Variants in ZFYVE28 observed in about 807,000 individuals in gnomAD.
The protein encoded by ZFYVE28 is zinc finger FYVE-type containing 28.
In ZFYVE28, 40 loss-of-function variants were observed where a neutral mutation model predicts 82.1. That is an observed-to-expected ratio of 0.49 (90% confidence interval 0.38 to 0.63). ZFYVE28 has a LOEUF of 0.63. Ranked by LOEUF, ZFYVE28 falls within the 30% of genes least tolerant of loss-of-function variation. The pLI, the probability that ZFYVE28 is intolerant of heterozygous loss-of-function variation, is 0.00. For synonymous variants in ZFYVE28, 612 were observed against 546.1 expected, an observed-to-expected ratio of 1.12 and a Z score of -1.68; for missense variants, 1,321 against 1,242.1, an observed-to-expected ratio of 1.06 and a Z score of -0.96.
chr4:2,342,374 T>C (rs1361580113), intron 2 of ZFYVE28, among the ~76,000 whole-genome samples: 1 of 152,188 alleles, frequency 6.6e-6, no homozygotes, highest in Non-Finnish European at 1.5e-5. Context: ...TCTGTAAGCC[T>C]CAATACACAG....
intron 1 of ZFYVE28, among the ~76,000 whole-genome samples, chr4:2,406,900 G>C (rs1472407310): frequency 4.0e-5 from 6 of 151,892 alleles, no homozygotes; most frequent in Non-Finnish European, 8.8e-5. Context: ...CCTTCTTCTG[G>C]GACTGTTATC....
At position 2,269,618 on chromosome 4, in the gene ZFYVE28, T is replaced by C. The variant is rs1735753630; in HGVS notation, c.*1107A>G. On this transcript the variant is annotated 3_prime_UTR_variant, in exon 13 of 13. Coordinates refer to ENST00000290974, the MANE Select transcript of ZFYVE28 (RefSeq NM_020972.3). The stretch of plus-strand genomic sequence containing the variant: ...CGTCTGCAATCCTTAAATAGATTTA[T>C]GGAAATGGCTTCAAATTACAGCATT... The C allele has an allele frequency of 6.6e-6, 1 of 152,186 alleles. No homozygotes were observed. The highest frequency in any genetic ancestry group is 2.4e-5 in the African/African-American group (1 of 41,440). 9.4% of individuals were successfully genotyped at this position (152,186 alleles called of 1,614,324 possible). A position where few individuals can be genotyped will look rare whatever the true frequency, so the allele number is the denominator to read the frequency against.
At chr4:2,363,889 A>C (rs1726502558) in intron 1 of ZFYVE28, among the ~76,000 whole-genome samples, 1 of 152,216 alleles carries the variant, frequency 6.6e-6, no homozygotes, top group Admixed American at 6.5e-5. Context: ...AGAGAGGTTC[A>C]CAAATCCACC....
intron 7 of ZFYVE28, among the ~76,000 whole-genome samples, chr4:2,313,745 T>G (rs1158876250): frequency 2.0e-5 from 3 of 150,032 alleles, no homozygotes; most frequent in Non-Finnish European, 2.9e-5. Flanking sequence ...CACGTGCCTG[T>G]AATCAGGAGA....
Position 2,339,615 on chromosome 4 carries a change from T to G in ZFYVE28, c.359A>C (p.Glu120Ala), listed in dbSNP as rs747492688. The G allele has an allele frequency of 6.2e-7, 1 of 1,610,506 alleles. No homozygotes were observed. Among genetic ancestry groups the G allele is most frequent in the Admixed American group, 1.7e-5 (1 of 59,640 alleles). ...AGSIIMNREL[E>A]SMAMRPLAKE... ...GGCCAGCGGGCGCATGGCCATGCTCTCCAGCTCCCGGTTCATGATGATGGA... is the reference window on the plus strand; with the variant it reads ...GGCCAGCGGGCGCATGGCCATGCTCGCCAGCTCCCGGTTCATGATGATGGA... The change falls in exon 4 of 13, where the codon GAG (glutamate) becomes GCG (alanine). Residue 120 changes from glutamate to alanine, a missense_variant. Glu to Ala is a moderately radical substitution (Grantham distance 107). This residue lies in a region of ZFYVE28 where 343 missense variants were observed against 408.4 expected (regional missense o/e 0.84). Coordinates refer to ENST00000290974, the MANE Select transcript of ZFYVE28 (RefSeq NM_020972.3). This position sits in a 1 kb window ranked among gnomAD's most constrained non-coding sequence, Gnocchi z 5.0.
chr4:2,352,410 G>A (rs1227637732), intron 2 of ZFYVE28, among the ~76,000 whole-genome samples: 1 of 151,962 alleles, frequency 6.6e-6, no homozygotes, highest in South Asian at 2.1e-4. Flanking sequence ...GATAGGAGGA[G>A]GGAGGAAGAG....
intron 8 of ZFYVE28, 127 bp from the exon 9 acceptor site, chr4:2,274,343 T>G: frequency 8.2e-7 from 1 of 1,216,258 alleles, no homozygotes; most frequent in Non-Finnish European, 1.1e-6. Flanking sequence ...GTGTATCTGT[T>G]GCCCAGATAC....
At chr4:2,396,137 G>GGGA (rs1374646510) in intron 1 of ZFYVE28, among the ~76,000 whole-genome samples, 2,399 of 70,452 alleles carry the variant, frequency 0.034, 133 homozygotes, top group Middle Eastern at 0.082. Flanking sequence ...CGGGGTGTCT[G>GGGA]AGCTGATGGG....
At chr4:2,392,218 T>C (rs1729917416) in intron 1 of ZFYVE28, among the ~76,000 whole-genome samples, 1 of 151,434 alleles carries the variant, frequency 6.6e-6, no homozygotes, top group Non-Finnish European at 1.5e-5. Context: ...TTACAAAATA[T>C]GGCCTGGGGG....
intron 7 of ZFYVE28, among the ~76,000 whole-genome samples, chr4:2,318,659 G>T (rs1235762216): frequency 3.9e-5 from 6 of 152,152 alleles, no homozygotes; most frequent in African/African-American, 1.4e-4. Context: ...CCAGCCTGTG[G>T]GTGCACACCT....
chr4:2,290,095 C>T lies in ZFYVE28; in HGVS notation c.2051+14194G>A, dbSNP rs546177216. On this transcript the variant is annotated intron_variant, in intron 8 of 12. Coordinates refer to ENST00000290974, the MANE Select transcript of ZFYVE28 (RefSeq NM_020972.3). ...CAGCCAGCAGCGTGATGGCAGGCCC[C>T]GTCAGAGCCACCCCCCGGTCACCAG... Among the ~76,000 whole-genome samples, 3 of 152,306 alleles carry T rather than the reference C, an allele frequency of 2.0e-5. No individual in the cohort carries two copies. The South Asian group carries it at 6.2e-4, about 32-fold the overall frequency.
In ZFYVE28 at chr4:2,339,379, G is replaced by C. The variant is rs1722378124; in HGVS notation, c.521+74C>G. ...TGGAATTTTCCAGCTTGAAGTATCA[G>C]GGTGAGCCCCGGAAGCTGGCACAAC... On this transcript the variant is annotated intron_variant, in intron 4 of 12. Coordinates refer to ENST00000290974, the MANE Select transcript of ZFYVE28 (RefSeq NM_020972.3). The surrounding 1 kb of genome is among the most constrained non-coding windows in gnomAD (Gnocchi z 5.0). The C allele has an allele frequency of 1.3e-6, 2 of 1,509,070 alleles. No individual in the cohort carries two copies. Among genetic ancestry groups the C allele is most frequent in the Non-Finnish European group, 1.8e-6 (2 of 1,112,376 alleles). The allele number at this position is 1,509,070 out of a possible 1,614,324, so 93.5% of individuals were successfully genotyped here.
chr4:2,375,340 C>G (rs1394910286), intron 1 of ZFYVE28, among the ~76,000 whole-genome samples: 1 of 152,222 alleles, frequency 6.6e-6, no homozygotes, highest in East Asian at 1.9e-4. Context: ...AGGCCCAAAT[C>G]ACCCAGGGTC....
At chr4:2,375,609 C>T (rs1728043604) in intron 1 of ZFYVE28, among the ~76,000 whole-genome samples, 1 of 151,914 alleles carries the variant, frequency 6.6e-6, no homozygotes, top group South Asian at 2.1e-4. Context: ...ACTAACCCCT[C>T]AACTCCTCCA....
chr4:2,397,631 A>G (rs1027240211), intron 1 of ZFYVE28, among the ~76,000 whole-genome samples: 1 of 152,136 alleles, frequency 6.6e-6, no homozygotes, highest in Non-Finnish European at 1.5e-5. Flanking sequence ...ATATCTATGA[A>G]CATCATGCCT....
In ZFYVE28 at chr4:2,416,664, G is replaced by A. The variant is rs1733072225; in HGVS notation, c.39+1621C>T. 1.3e-5 allele frequency among the ~76,000 whole-genome samples: 2 copies of A among 152,226 alleles called. No individual in the cohort carries two copies. The highest frequency in any genetic ancestry group is 4.1e-4 in the South Asian group (2 of 4,826). On this transcript the variant is annotated intron_variant, in intron 1 of 12. Transcript: ENST00000290974. This position sits in a 1 kb window ranked among gnomAD's most constrained non-coding sequence, Gnocchi z 4.6. ...GAGGGGCTCGAAGGCGCCGCAGGAG[G>A]AGAGGCTGGGCGCAGACGGCTCGGC...
chr4:2,290,590 G>T (rs371382155), intron 8 of ZFYVE28, among the ~76,000 whole-genome samples: 7 of 152,306 alleles, frequency 4.6e-5, no homozygotes, highest in African/African-American at 1.7e-4. Flanking sequence ...AGCAGGACAC[G>T]ACCACACCTG....
chr4:2,305,087 G>T lies in ZFYVE28; in HGVS notation c.1253C>A (p.Ser418Tyr), dbSNP rs764074943. Reference sequence around the variant, plus strand: ...TGCCCACCCAAATGGGCCAGCTGGGGACTCGGGCCTGGCCAGGGCTTCTGC... The same window carrying T: ...TGCCCACCCAAATGGGCCAGCTGGGTACTCGGGCCTGGCCAGGGCTTCTGC... ...GTAEALARPE[S>Y]PAGPFGWAGS... The change falls in exon 8 of 13, where the codon TCC (serine) becomes TAC (tyrosine). Residue 418 changes from serine to tyrosine, a missense_variant. Transcript: ENST00000290974. The T allele has an allele frequency of 2.5e-6, 4 of 1,607,266 alleles. No individual in the cohort carries two copies. Among genetic ancestry groups the T allele is most frequent in the Non-Finnish European group, 3.4e-6 (4 of 1,176,656 alleles).
chr4:2,362,450 C>T lies in ZFYVE28; in HGVS notation c.40-8377G>A, dbSNP rs375857001. 6.6e-6 allele frequency among the ~76,000 whole-genome samples: 1 copy of T among 152,176 alleles called. No homozygotes were observed. The highest frequency in any genetic ancestry group is 1.5e-5 in the Non-Finnish European group (1 of 68,026). On this transcript the variant is annotated intron_variant, in intron 1 of 12. Coordinates refer to ENST00000290974, the MANE Select transcript of ZFYVE28 (RefSeq NM_020972.3). The surrounding 1 kb of genome is among the most constrained non-coding windows in gnomAD (Gnocchi z 5.1). Reference sequence around the variant, plus strand: ...CCAACTAATGGCCGAGCAAGCCCCTCCACCCCTCCACCACTGGGGCTAGAA... The same window carrying T: ...CCAACTAATGGCCGAGCAAGCCCCTTCACCCCTCCACCACTGGGGCTAGAA...
Sources: gnomAD v4.1 joint callset for allele counts (sites outside exome capture counted in the v4.1 genomes callset) on GRCh38, gnomAD v4.1.1 for gene constraint, gnomAD v4.1.1 regional missense constraint, Gnocchi (gnomAD v3.1) non-coding constraint, MANE v1.5 for transcripts, NCBI Gene and HGNC (gene_info 2026-07-23, HGNC 2026-07-21) for gene names.